USP53: variants seen among roughly 807,000 people sequenced by gnomAD.
USP53 encodes ubiquitin carboxyl-terminal hydrolase 53.
A neutral mutation model predicts 94.9 loss-of-function variants in USP53; 71 were observed. That is an observed-to-expected ratio of 0.75 (90% CI 0.62 to 0.91). The LOEUF (loss-of-function observed/expected upper bound fraction) is 0.91, where lower values mean the gene tolerates loss of function less well. USP53 is among the 40% of genes least tolerant of loss of function. The pLI is 0.00. For synonymous variants in USP53, 375 were observed against 422.7 expected (o/e 0.89, Z 1.39); for missense variants, 1,173 against 1,281.0 (o/e 0.92, Z 1.29).
intron 2 of USP53, among the ~76,000 whole-genome samples, 154 bp from the exon 3 acceptor site, chr4:119,217,396 T>C (rs1374538473): frequency 2.6e-5 from 4 of 152,174 alleles, no homozygotes; most frequent in Non-Finnish European, 5.9e-5. Flanking sequence ...TGCCAGATGG[T>C]AGGAAATTGT....
chr4:119,239,866 C>A lies in USP53; in HGVS notation c.107C>A (p.Pro36Gln). 2 of 1,608,864 alleles carry A rather than the reference C, an allele frequency of 1.2e-6. No individual in the cohort carries two copies. Among genetic ancestry groups the A allele is most frequent in the Non-Finnish European group, 1.7e-6 (2 of 1,177,728 alleles). ...LAPTKGLLNEPGQNSCFLNSA... is the reference protein window; with the variant it reads ...LAPTKGLLNEQGQNSCFLNSA... ...CCTACCAAAGGCTTGTTAAATGAAC[C>A]AGGACAAAACAGCTGCTTTCTTAAT... Residue 36 changes from proline (P) to glutamine (Q), a missense_variant, in exon 5 of 19, where the codon CCA becomes CAA. Transcript: ENST00000692078.
chr4:119,231,104 G>C (rs79873505), intron 3 of USP53, among the ~76,000 whole-genome samples: 2 of 152,100 alleles, frequency 1.3e-5, no homozygotes, highest in Non-Finnish European at 2.9e-5. Context: ...ACCATATTGA[G>C]GAACTAGGAA....
At chr4:119,229,420 A>G (rs1745755314) in intron 3 of USP53, among the ~76,000 whole-genome samples, 1 of 152,116 alleles carries the variant, frequency 6.6e-6, no homozygotes, top group Non-Finnish European at 1.5e-5. Flanking sequence ...TTACCTTTTG[A>G]ATCTAAATAT....
chr4:119,246,762 C>T (rs1193944055), intron 6 of USP53, among the ~76,000 whole-genome samples: 1 of 152,136 alleles, frequency 6.6e-6, no homozygotes, highest in Non-Finnish European at 1.5e-5. Context: ...CCTGTGGCTG[C>T]TCTGCTGAGG....
chr4:119,291,352 G>C, intron 18 of USP53, 91 bp downstream of exon 18: 1 of 761,322 alleles, frequency 1.3e-6, no homozygotes, highest in Non-Finnish European at 2.1e-6. Flanking sequence ...TGAAAGCAAT[G>C]GGTCTATAGT....
chr4:119,271,523 G>C lies in USP53; in HGVS notation c.1663G>C (p.Gly555Arg), dbSNP rs2149419364. Reference protein sequence around the residue: ...KITGKVKSDNGTGYDTDSSQD... With the variant: ...KITGKVKSDNRTGYDTDSSQD... ...AACTGGCAAAGTTAAGAGTGACAAT[G>C]GCACTGGATATGACACAGACAGCAG... Residue 555 changes from glycine (G) to arginine (R), a missense_variant, in exon 16 of 19, where the codon GGC becomes CGC. Coordinates refer to ENST00000692078, the MANE Select transcript of USP53 (RefSeq NM_001371395.1). 1 of 1,613,592 alleles carries C rather than the reference G, an allele frequency of 6.2e-7. No individual in the cohort carries two copies. The highest frequency in any genetic ancestry group is 2.2e-5 in the East Asian group (1 of 44,876).
chr4:119,292,878 A>T lies in USP53; in HGVS notation c.2889A>T (p.Leu963Phe). ...CCTCTCATCTTCCGAAGCACAGTTTAAGTACAGCTTCAGAACCAAGTTTAG... is the reference window on the plus strand; with the variant it reads ...CCTCTCATCTTCCGAAGCACAGTTTTAGTACAGCTTCAGAACCAAGTTTAG... ...KATSHLPKHS[L>F]STASEPSLEV... The change falls in exon 19 of 19, where the codon TTA (leucine) becomes TTT (phenylalanine). Residue 963 changes from leucine (L) to phenylalanine (F), a missense_variant. Transcript: ENST00000692078. 1 of 1,614,132 alleles carries T rather than the reference A, an allele frequency of 6.2e-7. No homozygotes were observed. The highest frequency in any genetic ancestry group is 8.5e-7 in the Non-Finnish European group (1 of 1,179,974).
intron 7 of USP53, among the ~76,000 whole-genome samples, chr4:119,254,725 A>C (rs1749521903): frequency 6.6e-6 from 1 of 152,192 alleles, no homozygotes; most frequent in Non-Finnish European, 1.5e-5. Context: ...TACTTCTGTC[A>C]ACTCTTCAAA....
chr4:119,251,965 G>A (rs61219048), intron 7 of USP53, among the ~76,000 whole-genome samples: 2,941 of 152,178 alleles, frequency 0.019, 96 homozygotes, highest in African/African-American at 0.067. Flanking sequence ...TTTGTTGAAG[G>A]CCTTTTCTGT....
intron 6 of USP53, among the ~76,000 whole-genome samples, chr4:119,245,893 G>A (rs1398874548): frequency 3.9e-5 from 6 of 152,106 alleles, no homozygotes; most frequent in African/African-American, 1.2e-4. Context: ...AAATACATCA[G>A]GGAAAGAAAA....
At position 119,294,968 on chromosome 4, in the gene USP53, C is replaced by T. The variant is rs552051497; in HGVS notation, c.*1757C>T. The T allele has an allele frequency of 5.3e-5, 8 of 151,254 alleles. No homozygotes were observed. In the South Asian group the frequency reaches 1.3e-3, roughly 24 times the overall value. The allele number at this position is 151,254 out of a possible 1,614,324, so 9.4% of individuals were successfully genotyped here. A position where few individuals can be genotyped will look rare whatever the true frequency, so the allele number is the denominator to read the frequency against. On this transcript the variant is annotated 3_prime_UTR_variant, in exon 19 of 19. Coordinates refer to ENST00000692078, the MANE Select transcript of USP53 (RefSeq NM_001371395.1). ...CTGTATTTAAAATACCAAAGTTTTT[C>T]TTCTTTTATAACATTGTAAGATACT... is the stretch of plus-strand genomic sequence containing the variant.
intron 6 of USP53, among the ~76,000 whole-genome samples, chr4:119,247,682 G>A (rs62328374): frequency 0.22 from 33,040 of 152,070 alleles, 4,120 homozygotes; most frequent in South Asian, 0.32. Flanking sequence ...TAACATATAC[G>A]AGGGAGGCAA....
chr4:119,257,888 AC>A (rs1749983657), intron 9 of USP53, among the ~76,000 whole-genome samples: 1 of 152,242 alleles, frequency 6.6e-6, no homozygotes, highest in Non-Finnish European at 1.5e-5. Flanking sequence ...TTTTAATTCT[AC>A]TTTAAAACTC....
intron 4 of USP53, among the ~76,000 whole-genome samples, chr4:119,238,601 T>C (rs1440579106): frequency 6.6e-6 from 1 of 152,210 alleles, no homozygotes; most frequent in Non-Finnish European, 1.5e-5. Context: ...TGCTGGTAGA[T>C]TGGCTTGCTA....
chr4:119,257,300 G>T lies in USP53; in HGVS notation c.569+777G>T, dbSNP rs180920595. Among the ~76,000 whole-genome samples the T allele has an allele frequency of 6.6e-5, 10 of 152,246 alleles. No individual in the cohort carries two copies. In the East Asian group the frequency reaches 1.9e-3, roughly 29 times the overall value. Reference sequence around the variant, plus strand: ...CTACTAAAAATAAAAAATTAGCTGGGTGTGGTGGCGGGCACCTGTAATCCC... The same window carrying T: ...CTACTAAAAATAAAAAATTAGCTGGTTGTGGTGGCGGGCACCTGTAATCCC... On this transcript the variant is annotated intron_variant, in intron 9 of 18. Transcript: ENST00000692078.
rs771710807 is a variant in USP53 at position 119,267,486 on chromosome 4, ATTCT to A, written c.1135+11_1135+14del. On this transcript the variant is annotated splice_donor_5th_base_variant and intron_variant, in intron 13 of 18. Coordinates refer to ENST00000692078, the MANE Select transcript of USP53 (RefSeq NM_001371395.1). ...AAATCTGTTGCAGAAAATATGGGTA[ATTCT>A]TTCTTTTAAAAATTCTCAATGTTTT... 6.2e-7 allele frequency: 1 copy of A among 1,603,598 alleles called. No individual in the cohort carries two copies. Among genetic ancestry groups the A allele is most frequent in the South Asian group, 1.1e-5 (1 of 88,602 alleles).
chr4:119,246,035 T>A (rs1453140605), intron 6 of USP53, among the ~76,000 whole-genome samples: 1 of 152,074 alleles, frequency 6.6e-6, no homozygotes, highest in Non-Finnish European at 1.5e-5. Flanking sequence ...CCTGATATAT[T>A]TAAGGAACAC....
chr4:119,220,767 T>C (rs904947932), intron 3 of USP53: 6 of 152,154 alleles, frequency 3.9e-5, no homozygotes, highest in Admixed American at 2.6e-4. Context: ...TTGTTACAGA[T>C]AGGTACAGGG....
intron 2 of USP53, among the ~76,000 whole-genome samples, chr4:119,216,506 G>T (rs1743777821): frequency 6.6e-6 from 1 of 151,870 alleles, no homozygotes; most frequent in Non-Finnish European, 1.5e-5. Flanking sequence ...TGATCCATTG[G>T]CTGTTAACAT....
Sources: gnomAD v4.1 joint callset for allele counts (sites outside exome capture counted in the v4.1 genomes callset) on GRCh38, gnomAD v4.1.1 for gene constraint, MANE v1.5 for transcripts, NCBI Gene and HGNC (gene_info 2026-07-23, HGNC 2026-07-21) for gene names.